Variants in ZNF776 observed in about 807,000 individuals in gnomAD.
The protein encoded by ZNF776 is zinc finger protein 776.
In ZNF776, 4 loss-of-function variants were observed where a neutral mutation model predicts 7.0. That is an observed-to-expected ratio of 0.57 (90% confidence interval 0.28 to 1.31). The LOEUF (loss-of-function observed/expected upper bound fraction) is 1.31. Among genes scored for constraint, ZNF776 ranks in the 50% most tolerant of loss-of-function variants. The probability of loss-of-function intolerance (pLI) is 0.10; values close to 1 mark genes in which losing one functional copy is unlikely to be tolerated. For synonymous variants in ZNF776, 212 were observed against 213.7 expected, an observed-to-expected ratio of 0.99 and a Z score of 0.07; for missense variants, 555 against 625.9, an observed-to-expected ratio of 0.89 and a Z score of 1.21.
intron 2 of ZNF776, among the ~76,000 whole-genome samples, chr19:57,751,873 T>TG (rs1555764027): frequency 2.8e-4 from 32 of 112,338 alleles, no homozygotes; most frequent in African/African-American, 1.4e-3. Flanking sequence ...GTTTTGTTTT[T>TG]TTTTTTTTTT....
At position 57,749,592 on chromosome 19, in the gene ZNF776, T is replaced by C. The variant is rs114789723; in HGVS notation, c.34-1193T>C. Among the ~76,000 whole-genome samples the C allele has an allele frequency of 4.9e-3, 749 of 152,330 alleles. 4 individuals are homozygous for C. Among genetic ancestry groups the C allele is most frequent in the African/African-American group, 0.017 (701 of 41,580 alleles). On this transcript the variant is annotated intron_variant, in intron 1 of 2. Coordinates refer to ENST00000317178, the MANE Select transcript of ZNF776 (RefSeq NM_173632.4). ...TGTGTCACCTTGACATCTAGTGATA[T>C]TGGTATGACCTCAAATGACCTGAGA...
rs1393976356 is a variant in ZNF776 at position 57,747,719 on chromosome 19, A to T, written c.33+628A>T. On this transcript the variant is annotated intron_variant, in intron 1 of 2. Coordinates refer to ENST00000317178, the MANE Select transcript of ZNF776 (RefSeq NM_173632.4). ...TCTTGTAGCTTGTGCCTCTCCTCTC[A>T]GGAACTCCTGGCTGCAGAAGCACTT... Among the ~76,000 whole-genome samples, 4 of 152,298 alleles carry T rather than the reference A, an allele frequency of 2.6e-5. No homozygotes were observed. The East Asian group carries it at 7.7e-4, about 29-fold the overall frequency.
chr19:57,754,936 G>A lies in ZNF776; in HGVS notation c.*249G>A, dbSNP rs1223913736. On this transcript the variant is annotated 3_prime_UTR_variant, in exon 3 of 3. Coordinates refer to ENST00000317178, the MANE Select transcript of ZNF776 (RefSeq NM_173632.4). ...ACTGGAGAAAGACCCTATAGTTATGGGGAATTTGGGAAATTACCTAACAAG... is the reference window on the plus strand; with the variant it reads ...ACTGGAGAAAGACCCTATAGTTATGAGGAATTTGGGAAATTACCTAACAAG... 2 of 482,214 alleles carry A rather than the reference G, an allele frequency of 4.1e-6. No homozygotes were observed. Among genetic ancestry groups the A allele is most frequent in the Non-Finnish European group, 7.4e-6 (2 of 270,118 alleles). 29.9% of individuals were successfully genotyped at this position (482,214 alleles called of 1,614,324 possible). A position where few individuals can be genotyped will look rare whatever the true frequency, so the allele number is the denominator to read the frequency against.
intron 1 of ZNF776, among the ~76,000 whole-genome samples, chr19:57,749,883 C>T (rs1986550319): frequency 6.6e-6 from 1 of 152,188 alleles, no homozygotes; most frequent in Non-Finnish European, 1.5e-5. Context: ...TGTGGTCCTT[C>T]ATGATGAGGG....
rs1321843119 is a variant in ZNF776, at chr19:57,753,868, C to T, written c.738C>T (p.Ser246=). 6.2e-7 allele frequency: 1 copy of T among 1,614,180 alleles called. No individual in the cohort carries two copies. Among genetic ancestry groups the T allele is most frequent in the East Asian group, 2.2e-5 (1 of 44,884 alleles). Residue 246 remains serine (S), a synonymous_variant, in exon 3 of 3, where the codon AGC becomes AGT. Transcript: ENST00000317178. ...GCAGTGATTCTGGGAAATTCACTAG[C>T]AAAAGTAATAGTTTTAATAATCATC... The part of the protein sequence containing the change: ...YVCSDSGKFT[S]KSNSFNNHQG...
chr19:57,747,844 C>T (rs995762628), intron 1 of ZNF776, among the ~76,000 whole-genome samples: 1 of 58,724 alleles, frequency 1.7e-5, no homozygotes, highest in Non-Finnish European at 3.5e-5. Flanking sequence ...TTCTTAGGTA[C>T]CTTTTTTTTT....
In ZNF776 at chr19:57,754,935, G is replaced by T; in HGVS notation, c.*248G>T. 2.1e-6 allele frequency: 1 copy of T among 477,678 alleles called. No homozygotes were observed. The allele number at this position is 477,678 out of a possible 1,614,324, so 29.6% of individuals were successfully genotyped here. ...CACTGGAGAAAGACCCTATAGTTAT[G>T]GGGAATTTGGGAAATTACCTAACAA... On this transcript the variant is annotated 3_prime_UTR_variant, in exon 3 of 3. Coordinates refer to ENST00000317178, the MANE Select transcript of ZNF776 (RefSeq NM_173632.4).
At chr19:57,751,558 G>A (rs990596424) in intron 2 of ZNF776, among the ~76,000 whole-genome samples, 3 of 151,906 alleles carry the variant, frequency 2.0e-5, no homozygotes, top group Non-Finnish European at 2.9e-5. Context: ...TAGAGATGAG[G>A]TCTGGCTGTA....
Position 57,756,799 on chromosome 19 carries a change from A to T in ZNF776, c.*2112A>T. 1 of 437,876 alleles carries T rather than the reference A, an allele frequency of 2.3e-6. No individual in the cohort carries two copies. The highest frequency in any genetic ancestry group is 1.6e-5 in the South Asian group (1 of 60,898). 27.1% of individuals were successfully genotyped at this position (437,876 alleles called of 1,614,324 possible). A position where few individuals can be genotyped will look rare whatever the true frequency, so the allele number is the denominator to read the frequency against. ...GCATTCATGTGTCCTGAAGTCCAGA[A>T]TTCTGTAGGATAGTGTCCTACGTTA... On this transcript the variant is annotated 3_prime_UTR_variant, in exon 3 of 3. Transcript: ENST00000317178.
rs1368747689 is a variant in ZNF776 at position 57,750,891 on chromosome 19, T to C, written c.140T>C (p.Leu47Pro). Residue 47 changes from leucine (L) to proline (P), a missense_variant, in exon 2 of 3, where the codon CTG (leucine) becomes CCG (proline). By Grantham distance (98) the Leu-to-Pro change is moderately conservative. Coordinates refer to ENST00000317178, the MANE Select transcript of ZNF776 (RefSeq NM_173632.4). Reference sequence around the variant, plus strand: ...TATCATGACGTGATGCTGGAGAACCTGACACTTATATCTTCTCTAGGTAAG... The same window carrying C: ...TATCATGACGTGATGCTGGAGAACCCGACACTTATATCTTCTCTAGGTAAG... ...CLYHDVMLENLTLISSLGCWY... is the reference protein window; with the variant it reads ...CLYHDVMLENPTLISSLGCWY... The C allele has an allele frequency of 6.2e-7, 1 of 1,611,598 alleles. No homozygotes were observed. Among genetic ancestry groups the C allele is most frequent in the Non-Finnish European group, 8.5e-7 (1 of 1,178,474 alleles).
chr19:57,748,726 G>A (rs1986515705), intron 1 of ZNF776, among the ~76,000 whole-genome samples: 1 of 152,030 alleles, frequency 6.6e-6, no homozygotes, highest in African/African-American at 2.4e-5. Context: ...AATTTGACAG[G>A]GGACATAGAC....
chr19:57,752,162 G>T (rs541847393), intron 2 of ZNF776, among the ~76,000 whole-genome samples: 58 of 152,180 alleles, frequency 3.8e-4, no homozygotes, highest in Admixed American at 1.6e-3. Context: ...GAGCCACCGT[G>T]CCCGGCCTCA....
chr19:57,748,781 A>G (rs1477975376), intron 1 of ZNF776, among the ~76,000 whole-genome samples: 11 of 152,144 alleles, frequency 7.2e-5, no homozygotes, highest in Admixed American at 3.3e-4. Context: ...GCAGAAGTGT[A>G]GTCAAATTGA....
chr19:57,753,430 A>G lies in ZNF776; in HGVS notation c.300A>G (p.Gly100=). Residue 100 remains glycine (G), a synonymous_variant, in exon 3 of 3, where the codon GGA becomes GGG. Coordinates refer to ENST00000317178, the MANE Select transcript of ZNF776 (RefSeq NM_173632.4). ...HLWGMCGPLL[G]DILHQGTQHN... ...GGGGAATGTGTGGCCCTCTCCTGGG[A>G]GATATCTTACACCAGGGAACACAAC... The G allele has an allele frequency of 6.2e-7, 1 of 1,614,220 alleles. No individual in the cohort carries two copies. Among genetic ancestry groups the G allele is most frequent in the Non-Finnish European group, 8.5e-7 (1 of 1,180,040 alleles).
rs1008973269 is a variant in ZNF776 at position 57,755,376 on chromosome 19, C to T, written c.*689C>T. 2 of 152,278 alleles carry T rather than the reference C, an allele frequency of 1.3e-5. No individual in the cohort carries two copies. The highest frequency in any genetic ancestry group is 4.8e-5 in the African/African-American group (2 of 41,452). The allele number at this position is 152,278 out of a possible 1,614,324, so 9.4% of individuals were successfully genotyped here. A position where few individuals can be genotyped will look rare whatever the true frequency, so the allele number is the denominator to read the frequency against. The stretch of plus-strand genomic sequence containing the variant: ...AAATTTGGAAAATTGATTAGTCAAA[C>T]CTCTATGCTCCTTCAAAATCAGAGT... On this transcript the variant is annotated 3_prime_UTR_variant, in exon 3 of 3. Transcript: ENST00000317178.
At chr19:57,747,118 A>G in intron 1 of ZNF776, 27 bp downstream of exon 1, 4 of 1,576,944 alleles carry the variant, frequency 2.5e-6, no homozygotes, top group Non-Finnish European at 3.4e-6. Flanking sequence ...CCGTGCCCTC[A>G]GGTCACCTCA....
Position 57,751,917 on chromosome 19 carries a change from G to A in ZNF776, c.160+1006G>A, listed in dbSNP as rs547665597. On this transcript the variant is annotated intron_variant, in intron 2 of 2. Transcript: ENST00000317178. ...AGACGGAGTCTTGCTCTGCCACCAG[G>A]CTGGAGTGCAGTGGCCCAATCTCGG... Among the ~76,000 whole-genome samples the A allele has an allele frequency of 4.1e-5, 5 of 120,680 alleles. No homozygotes were observed. In the South Asian group the frequency reaches 7.9e-4, roughly 19 times the overall value. 79.2% of individuals were successfully genotyped at this position (120,680 alleles called of 152,430 possible).
At chr19:57,750,447 C>CA (rs1600066496) in intron 1 of ZNF776, among the ~76,000 whole-genome samples, 3 of 138,968 alleles carry the variant, frequency 2.2e-5, no homozygotes, top group African/African-American at 5.5e-5. Flanking sequence ...AAAAAAAAAG[C>CA]AAAAAAAAGG....
Position 57,755,568 on chromosome 19 carries a change from G to T in ZNF776, c.*881G>T, listed in dbSNP as rs1376799099. ...ACTGGATACCAGAATGTTGACAGGA[G>T]AAAAATAACATAGATGTGTGGGAAT... On this transcript the variant is annotated 3_prime_UTR_variant, in exon 3 of 3. Coordinates refer to ENST00000317178, the MANE Select transcript of ZNF776 (RefSeq NM_173632.4). 1 of 152,192 alleles carries T rather than the reference G, an allele frequency of 6.6e-6. No homozygotes were observed. The highest frequency in any genetic ancestry group is 1.5e-5 in the Non-Finnish European group (1 of 68,024). 9.4% of individuals were successfully genotyped at this position (152,192 alleles called of 1,614,324 possible).
Sources: gnomAD v4.1 joint callset for allele counts (sites outside exome capture counted in the v4.1 genomes callset) on GRCh38, gnomAD v4.1.1 for gene constraint, MANE v1.5 for transcripts, NCBI Gene and HGNC (gene_info 2026-07-23, HGNC 2026-07-21) for gene names.